NBEAL1: variants seen among roughly 807,000 people sequenced by gnomAD.
The protein encoded by NBEAL1 is neurobeachin like 1.
A neutral mutation model predicts 351.3 loss-of-function variants in NBEAL1; 273 were observed. That is an observed-to-expected ratio of 0.78 (90% CI 0.70 to 0.86). NBEAL1 has a LOEUF of 0.86. NBEAL1 is among the 40% of genes least tolerant of loss of function. The probability of loss-of-function intolerance (pLI) is 0.00; values close to 1 mark genes in which losing one functional copy is unlikely to be tolerated. For missense variants in NBEAL1, 2,961 were observed against 3,201.3 expected (o/e 0.92, Z 1.81); for synonymous variants, 1,050 against 1,086.4 (o/e 0.97, Z 0.66).
chr2:203,020,095 G>A (rs971799583), intron 2 of NBEAL1, among the ~76,000 whole-genome samples: 7 of 151,954 alleles, frequency 4.6e-5, no homozygotes, highest in Admixed American at 4.6e-4. Context: ...GATACATTGT[G>A]GAATCATCAA....
chr2:203,091,078 C>G (rs1041446990), intron 10 of NBEAL1, among the ~76,000 whole-genome samples: 2 of 152,066 alleles, frequency 1.3e-5, no homozygotes, highest in Non-Finnish European at 2.9e-5. Flanking sequence ...TTGTGCAGCC[C>G]ATCTCCAGAG....
At chr2:203,171,618 TAAATA>T (rs1397397718) in intron 39 of NBEAL1, among the ~76,000 whole-genome samples, 2 of 149,958 alleles carry the variant, frequency 1.3e-5, no homozygotes, top group Non-Finnish European at 3.0e-5. Context: ...AATAAATAAA[TAAATA>T]AAATAAAAAT....
At chr2:203,162,929 G>A (rs748464414) in intron 36 of NBEAL1, among the ~76,000 whole-genome samples, 2 of 152,140 alleles carry the variant, frequency 1.3e-5, no homozygotes, top group Non-Finnish European at 2.9e-5. Flanking sequence ...CGAGGTAGGC[G>A]GATCACCTGA....
chr2:203,160,260 T>C (rs946832804), intron 36 of NBEAL1, among the ~76,000 whole-genome samples: 1 of 152,082 alleles, frequency 6.6e-6, no homozygotes, highest in Admixed American at 6.6e-5. Flanking sequence ...TTTGTACTTT[T>C]AGTAGAGACG....
chr2:203,105,451 C>T (rs573147304), intron 12 of NBEAL1, among the ~76,000 whole-genome samples: 7 of 151,130 alleles, frequency 4.6e-5, no homozygotes, highest in South Asian at 2.1e-4. Context: ...GGTGACAGAG[C>T]GAGACTCCAT....
intron 10 of NBEAL1, among the ~76,000 whole-genome samples, chr2:203,092,458 A>G (rs540337269): frequency 1.2e-3 from 188 of 152,108 alleles, no homozygotes; most frequent in Non-Finnish European, 2.3e-3. Context: ...TCAGCTGCTC[A>G]GGAGGCTGAG....
At chr2:203,161,356 C>T (rs1466871697) in intron 36 of NBEAL1, among the ~76,000 whole-genome samples, 3 of 146,356 alleles carry the variant, frequency 2.0e-5, no homozygotes, top group Non-Finnish European at 3.0e-5. Flanking sequence ...ATAGGCCAGG[C>T]GTGGTGGTTC....
chr2:203,121,582 G>T (rs1322071847), intron 18 of NBEAL1, among the ~76,000 whole-genome samples: 2 of 150,694 alleles, frequency 1.3e-5, no homozygotes, highest in African/African-American at 4.9e-5. Flanking sequence ...AATCTGGGAG[G>T]CAGAGGTTGC....
intron 7 of NBEAL1, among the ~76,000 whole-genome samples, chr2:203,072,437 CTG>C (rs1290220980): frequency 6.6e-6 from 1 of 151,270 alleles, no homozygotes; most frequent in African/African-American, 2.4e-5. Flanking sequence ...TTTGGATAGA[CTG>C]AGAATTTTCT....
At chr2:203,211,771 ATAAAG>A (rs1312866355) in intron 54 of NBEAL1, among the ~76,000 whole-genome samples, 4 of 152,238 alleles carry the variant, frequency 2.6e-5, no homozygotes, top group Admixed American at 6.5e-5. Context: ...CTGTGGTAAA[ATAAAG>A]TAGAGTATAT....
chr2:203,034,285 G>T (rs993740550), intron 2 of NBEAL1, among the ~76,000 whole-genome samples: 4 of 151,598 alleles, frequency 2.6e-5, no homozygotes, highest in African/African-American at 9.7e-5. Context: ...AGCCTCCTGA[G>T]TAGCTGGGAC....
At chr2:203,124,342 A>G (rs1326383801) in intron 19 of NBEAL1, among the ~76,000 whole-genome samples, 1 of 152,156 alleles carries the variant, frequency 6.6e-6, no homozygotes, top group East Asian at 1.9e-4. Context: ...AAAAACAAAC[A>G]AGAAAAACCC....
At chr2:203,213,813 A>T (rs2065853396) in intron 55 of NBEAL1, 160 bp downstream of exon 55, 1 of 982,748 alleles carries the variant, frequency 1.0e-6, no homozygotes. Flanking sequence ...TAAAGCTGTT[A>T]TTCAAGAATC....
At chr2:203,196,565 AC>A (rs1314279507) in intron 47 of NBEAL1, among the ~76,000 whole-genome samples, 1 of 152,208 alleles carries the variant, frequency 6.6e-6, no homozygotes, top group African/African-American at 2.4e-5. Flanking sequence ...GGATTAATTC[AC>A]AACGTAAAGA....
intron 19 of NBEAL1, among the ~76,000 whole-genome samples, chr2:203,122,896 T>A (rs1056817662): frequency 1.3e-5 from 2 of 152,152 alleles, no homozygotes; most frequent in Non-Finnish European, 2.9e-5. Flanking sequence ...TTCTTTTTTT[T>A]AATCAGTTCC....
chr2:203,057,343 A>G lies in NBEAL1; in HGVS notation c.405A>G (p.Lys135=). The G allele has an allele frequency of 1.3e-6, 2 of 1,549,298 alleles. No homozygotes were observed. Among genetic ancestry groups the G allele is most frequent in the Non-Finnish European group, 1.7e-6 (2 of 1,145,482 alleles). ...GTTCTCAGTTAAAAAGCAAAAAAAA[A>G]GAGAAGGAAATGGCAGATCAGACAT... is the stretch of plus-strand genomic sequence containing the variant. ...LYIQQLKSKK[K]EKEMADQTCI... is the part of the protein sequence containing the mutation. The change falls in exon 6 of 56, where the codon AAA becomes AAG. Residue 135 remains lysine, a synonymous_variant. Transcript: ENST00000683969.
At chr2:203,201,301 CCTT>C (rs1488719505) in intron 49 of NBEAL1, among the ~76,000 whole-genome samples, 1 of 152,158 alleles carries the variant, frequency 6.6e-6, no homozygotes. Flanking sequence ...TTTCTTCACA[CCTT>C]CACTGATTTC....
intron 17 of NBEAL1, among the ~76,000 whole-genome samples, chr2:203,114,039 G>A (rs568171133): frequency 5.5e-4 from 84 of 152,128 alleles, no homozygotes; most frequent in African/African-American, 2.0e-3. Flanking sequence ...AGCCAGGATG[G>A]TCTCGATCTC....
At chr2:203,093,935 G>C (rs144899487) in intron 10 of NBEAL1, among the ~76,000 whole-genome samples, 36 of 152,042 alleles carry the variant, frequency 2.4e-4, no homozygotes, top group African/African-American at 8.4e-4. Flanking sequence ...CTTATTTCTG[G>C]AATTTTTTTT....
Sources: gnomAD v4.1 joint callset for allele counts (sites outside exome capture counted in the v4.1 genomes callset) on GRCh38, gnomAD v4.1.1 for gene constraint, MANE v1.5 for transcripts, NCBI Gene and HGNC (gene_info 2026-07-23, HGNC 2026-07-21) for gene names.